The following TAS2R1 variants were observed in gnomAD, a reference collection of about 807,000 sequenced individuals.
TAS2R1 encodes the protein taste receptor type 2 member 1.
For missense variants in TAS2R1, 370 were observed against 353.4 expected (o/e 1.05, Z -0.38); for synonymous variants, 141 against 134.2 (o/e 1.05, Z -0.35).
intron 2 of TAS2R1, among the ~76,000 whole-genome samples, chr5:9,636,756 C>T (rs1378209624): frequency 6.6e-6 from 1 of 152,040 alleles, no homozygotes; most frequent in Non-Finnish European, 1.5e-5. Flanking sequence ...CTCCTGCTTG[C>T]TTTTGGCGTC....
the TAS2R1 span, among the ~76,000 whole-genome samples, chr5:9,841,145 G>A: frequency 4.6e-5 from 7 of 152,216 alleles, no homozygotes; most frequent in Admixed American, 3.3e-4. Context: ...TTGAGAGCAT[G>A]TGTCCTATTT....
intron 2 of TAS2R1, among the ~76,000 whole-genome samples, chr5:9,654,885 C>A (rs940214239): frequency 6.6e-6 from 1 of 152,120 alleles, no homozygotes; most frequent in Non-Finnish European, 1.5e-5. Context: ...GTCTGTGGTC[C>A]AGCAATTCTA....
At chr5:9,780,650 T>G in the TAS2R1 span, among the ~76,000 whole-genome samples, 1 of 151,442 alleles carries the variant, frequency 6.6e-6, no homozygotes, top group African/African-American at 2.4e-5. Flanking sequence ...GTCAAGATTC[T>G]CCAGACAAAT....
the TAS2R1 span, among the ~76,000 whole-genome samples, chr5:9,846,999 C>G: frequency 6.6e-6 from 1 of 152,170 alleles, no homozygotes; most frequent in South Asian, 2.1e-4. Context: ...CATTAACTCC[C>G]ATGATCTCAT....
chr5:9,775,739 G>T, the TAS2R1 span, among the ~76,000 whole-genome samples: 1 of 152,010 alleles, frequency 6.6e-6, no homozygotes, highest in African/African-American at 2.4e-5. Context: ...TTGCCCAGAA[G>T]CCAGGGCCTG....
chr5:9,663,759 T>C (rs888149184), intron 1 of TAS2R1, among the ~76,000 whole-genome samples: 2 of 152,116 alleles, frequency 1.3e-5, no homozygotes, highest in Admixed American at 6.5e-5. Context: ...GTTTTGCAAA[T>C]GTAATTAGGT....
At chr5:9,760,965 G>A in the TAS2R1 span, 1 of 152,166 alleles carries the variant, frequency 6.6e-6, no homozygotes, top group Non-Finnish European at 1.5e-5. Context: ...AGCTAAGCAG[G>A]GTTGGGCCTG....
chr5:9,873,888 A>G, the TAS2R1 span, among the ~76,000 whole-genome samples: 15 of 115,670 alleles, frequency 1.3e-4, no homozygotes, highest in East Asian at 5.8e-4. Context: ...AAAAAAAAGG[A>G]GGGGAGGGAA....
the TAS2R1 span, among the ~76,000 whole-genome samples, chr5:9,823,219 T>C: frequency 1.3e-5 from 2 of 152,158 alleles, no homozygotes; most frequent in Non-Finnish European, 2.9e-5. Flanking sequence ...AAATGCTATA[T>C]TTTGGGAGAG....
chr5:9,846,281 T>A, the TAS2R1 span, among the ~76,000 whole-genome samples: 1 of 152,206 alleles, frequency 6.6e-6, no homozygotes, highest in African/African-American at 2.4e-5. Context: ...CTGCATATTG[T>A]TTCCACCCAT....
chr5:9,903,057 C>A, the TAS2R1 span, among the ~76,000 whole-genome samples: 1 of 151,914 alleles, frequency 6.6e-6, no homozygotes, highest in African/African-American at 2.4e-5. Flanking sequence ...ATGGGTCATC[C>A]GTCCCCTCAA....
chr5:9,809,048 CT>C, the TAS2R1 span, among the ~76,000 whole-genome samples: 1 of 152,138 alleles, frequency 6.6e-6, no homozygotes. Flanking sequence ...CTATTCTTCC[CT>C]TTTGGAATGA....
chr5:9,734,717 G>C, the TAS2R1 span, among the ~76,000 whole-genome samples: 1 of 152,024 alleles, frequency 6.6e-6, no homozygotes, highest in Non-Finnish European at 1.5e-5. Context: ...CAGGTTTATA[G>C]ATGAGAAACT....
intron 1 of TAS2R1, among the ~76,000 whole-genome samples, chr5:9,708,101 G>A (rs764940266): frequency 1.2e-4 from 18 of 152,168 alleles, no homozygotes; most frequent in Non-Finnish European, 2.2e-4. Context: ...GAAGGCAGCC[G>A]AGGAAAATGA....
chr5:9,666,799 A>G (rs1388969834), intron 1 of TAS2R1, among the ~76,000 whole-genome samples: 1 of 152,230 alleles, frequency 6.6e-6, no homozygotes, highest in Non-Finnish European at 1.5e-5. Flanking sequence ...TTACAAAACA[A>G]AAGATTCACA....
chr5:9,694,392 T>C (rs1016245927), intron 1 of TAS2R1, among the ~76,000 whole-genome samples: 3 of 152,086 alleles, frequency 2.0e-5, no homozygotes, highest in Non-Finnish European at 4.4e-5. Context: ...AGCCACCAAA[T>C]CAGAGCCCTG....
In TAS2R1 at chr5:9,685,480, T is replaced by C. The variant is rs548546618; in HGVS notation, c.-241-25899A>G. On this transcript the variant is annotated intron_variant, in intron 1 of 2. Coordinates refer to the TAS2R1 transcript ENST00000506620. ...TGTTATAATATCACATATTATGTTA[T>C]ATTGTAAATATATTTATAGAAATAA... is the stretch of plus-strand genomic sequence containing the variant. 7.2e-5 allele frequency among the ~76,000 whole-genome samples: 11 copies of C among 152,296 alleles called. No homozygotes were observed. The South Asian group carries it at 2.3e-3, about 32-fold the overall frequency.
intron 1 of TAS2R1, among the ~76,000 whole-genome samples, chr5:9,671,715 C>G (rs541633745): frequency 1.3e-5 from 2 of 152,054 alleles, no homozygotes; most frequent in African/African-American, 4.8e-5. Flanking sequence ...CCATATTGCC[C>G]GAAGCAATTT....
At chr5:9,857,006 T>C in the TAS2R1 span, among the ~76,000 whole-genome samples, 164 of 152,310 alleles carry the variant, frequency 1.1e-3, no homozygotes, top group African/African-American at 3.7e-3. Flanking sequence ...CTGGTGGCCA[T>C]TATGTAAAGT....
Sources: allele counts gnomAD v4.1 joint callset (sites outside exome capture counted in the v4.1 genomes callset), GRCh38; gene constraint gnomAD v4.1.1; transcripts MANE v1.5; gene names NCBI Gene and HGNC (gene_info 2026-07-23, HGNC 2026-07-21).